Variants in PER2 observed in about 807,000 individuals in gnomAD.
The protein encoded by PER2 is period circadian protein homolog 2.
Under a neutral mutation model 121.0 loss-of-function variants are expected in PER2, and 66 were observed. The ratio of observed to expected loss-of-function variants is 0.55; its 90% CI spans 0.45 to 0.67. The LOEUF (loss-of-function observed/expected upper bound fraction) is 0.67. Ranked by LOEUF, PER2 falls within the 30% of genes least tolerant of loss-of-function variation. PER2 has a pLI of 0.00. For synonymous variants in PER2, 684 were observed against 659.9 expected, an observed-to-expected ratio of 1.04 and a Z score of -0.56; for missense variants, 1,521 against 1,635.0, an observed-to-expected ratio of 0.93 and a Z score of 1.20.
chr2:238,251,624 G>A lies in PER2; in HGVS notation c.3249C>T (p.Gly1083=), dbSNP rs761430831. ...ASESLGSGSL[G]CDASPSGAGS... The stretch of plus-strand genomic sequence containing the variant: ...CTGCCCCACTCGGGGAGGCGTCGCA[G>A]CCCAGTGAGCCGGAGCCCAGAGACT... The change falls in exon 20 of 23, where the codon GGC becomes GGT. Residue 1083 remains glycine (G), a synonymous_variant. Coordinates refer to ENST00000254657, the MANE Select transcript of PER2 (RefSeq NM_022817.3). 1 of 1,614,194 alleles carries A rather than the reference G, an allele frequency of 6.2e-7. No individual in the cohort carries two copies. Among genetic ancestry groups the A allele is most frequent in the Admixed American group, 1.7e-5 (1 of 60,026 alleles).
At chr2:238,281,365 C>T (rs1048663425) in intron 1 of PER2, among the ~76,000 whole-genome samples, 2 of 152,188 alleles carry the variant, frequency 1.3e-5, no homozygotes, top group Admixed American at 1.3e-4. Context: ...ATCTCAATTA[C>T]AGGATACTTG....
chr2:238,258,254 T>C (rs1695820293), intron 16 of PER2, 22 bp downstream of exon 16: 5 of 1,613,516 alleles, frequency 3.1e-6, no homozygotes, highest in African/African-American at 2.7e-5. Context: ...CACATGTACA[T>C]GGCTCTACAC....
chr2:238,289,190 G>A (rs1273325592), upstream of PER2: 1 of 152,210 alleles, frequency 6.6e-6, no homozygotes, highest in African/African-American at 2.4e-5. Flanking sequence ...CCGGACGAGG[G>A]AGACCTCCAC....
At chr2:238,270,786 T>A (rs916304387) in intron 6 of PER2, among the ~76,000 whole-genome samples, 2 of 152,210 alleles carry the variant, frequency 1.3e-5, no homozygotes, top group South Asian at 2.1e-4. Context: ...AAGGCTGCCA[T>A]CCACAGTGCA....
chr2:238,274,487 C>T (rs570175819), intron 4 of PER2, among the ~76,000 whole-genome samples: 75 of 152,242 alleles, frequency 4.9e-4, no homozygotes, highest in Non-Finnish European at 1.0e-3. Context: ...TCTGAGTATG[C>T]TCTGAAATCA....
chr2:238,255,862 C>T lies in PER2; in HGVS notation c.2115G>A (p.Ala705=), dbSNP rs749990808. The T allele has an allele frequency of 6.2e-6, 10 of 1,614,038 alleles. No individual in the cohort carries two copies. The Admixed American group carries it at 8.3e-5, about 13-fold the overall frequency. ...TGAGACCACAGGCCAGGGCAGGGCCCGCCAGGCAGTCCAGGGATTCTGGCC... is the reference window on the plus strand; with the variant it reads ...TGAGACCACAGGCCAGGGCAGGGCCTGCCAGGCAGTCCAGGGATTCTGGCC... The part of the protein sequence containing the change: ...ASGPESLDCL[A]GPALACGLSQ... The change falls in exon 18 of 23, where the codon GCG becomes GCA. Residue 705 remains alanine (A), a synonymous_variant. Coordinates refer to ENST00000254657, the MANE Select transcript of PER2 (RefSeq NM_022817.3).
the PER2 span, among the ~76,000 whole-genome samples, chr2:238,296,842 G>A: frequency 1.3e-5 from 2 of 152,238 alleles, no homozygotes; most frequent in African/African-American, 4.8e-5. Flanking sequence ...TGCAGCCACC[G>A]TGGAAGAGCT....
chr2:238,294,445 G>A (rs572315025), upstream of PER2, among the ~76,000 whole-genome samples: 24 of 152,284 alleles, frequency 1.6e-4, no homozygotes, highest in African/African-American at 5.1e-4. Flanking sequence ...GCAGGAGCCC[G>A]AGTTTGGGGC....
At chr2:238,278,584 C>T (rs953722764) in intron 1 of PER2, among the ~76,000 whole-genome samples, 1 of 152,180 alleles carries the variant, frequency 6.6e-6, no homozygotes, top group East Asian at 1.9e-4. Context: ...AACACATGGT[C>T]CCTCTGAATA....
intron 17 of PER2, among the ~76,000 whole-genome samples, chr2:238,256,273 G>A (rs1662520703): frequency 6.6e-6 from 1 of 152,174 alleles, no homozygotes; most frequent in African/African-American, 2.4e-5. Flanking sequence ...TTGGGACCAG[G>A]CATGGTGATA....
In PER2 at chr2:238,256,909, C is replaced by G. The variant is rs1695778692; in HGVS notation, c.2065+13G>C. ...ATCAAACTGCTCTCTGATCCAAGAG[C>G]CCATAGTCATACCTAACTCCGGCTG... On this transcript the variant is annotated intron_variant, in intron 17 of 22. Coordinates refer to ENST00000254657, the MANE Select transcript of PER2 (RefSeq NM_022817.3). 2.5e-6 allele frequency: 4 copies of G among 1,612,852 alleles called. No individual in the cohort carries two copies. The highest frequency in any genetic ancestry group is 2.5e-6 in the Non-Finnish European group (3 of 1,179,022).
In PER2 at chr2:238,272,994, C is replaced by G; in HGVS notation, c.570+76G>C. 2.1e-6 allele frequency: 3 copies of G among 1,421,834 alleles called. No homozygotes were observed. In the South Asian group the frequency reaches 3.4e-5, roughly 16 times the overall value. 88.1% of individuals were successfully genotyped at this position (1,421,834 alleles called of 1,614,324 possible). ...AACACTCCTGCCTTACAGCCACCGG[C>G]CGCAGTGCTGAGCTAGCTCGCCTGC... On this transcript the variant is annotated intron_variant, in intron 5 of 22. Coordinates refer to ENST00000254657, the MANE Select transcript of PER2 (RefSeq NM_022817.3).
At chr2:238,283,638 C>G (rs1478954977) in intron 1 of PER2, among the ~76,000 whole-genome samples, 1 of 152,232 alleles carries the variant, frequency 6.6e-6, no homozygotes, top group Non-Finnish European at 1.5e-5. Flanking sequence ...GCAGTCAGAA[C>G]TCCGATAGGG....
In PER2 at chr2:238,273,204, C is replaced by T; in HGVS notation, c.449-13G>A. The T allele has an allele frequency of 6.2e-7, 1 of 1,610,924 alleles. No individual in the cohort carries two copies. The highest frequency in any genetic ancestry group is 8.5e-7 in the Non-Finnish European group (1 of 1,178,992). ...TACTCTTCATTGGCTGCAGGAGAGA[C>T]AGTGTTCACTCAGTGGGCAGAACCC... On this transcript the variant is annotated splice_polypyrimidine_tract_variant and intron_variant, in intron 4 of 22. Coordinates refer to ENST00000254657, the MANE Select transcript of PER2 (RefSeq NM_022817.3).
upstream of PER2, among the ~76,000 whole-genome samples, chr2:238,290,876 C>G (rs188634296): frequency 2.8e-4 from 42 of 152,292 alleles, 1 homozygote; most frequent in East Asian, 6.2e-3. Context: ...ACAGAAGCCT[C>G]CATCCCAGCT....
At position 238,246,273 on chromosome 2, in the gene PER2, CAT is replaced by C. The variant is rs1695445088; in HGVS notation, c.*100_*101del. ...TCTAAAACAAAAAAAGCAACATGAG[CAT>C]ATGTGTCCATTTCAGTGGAAACAGC... On this transcript the variant is annotated 3_prime_UTR_variant, in exon 23 of 23. Transcript: ENST00000254657. The C allele has an allele frequency of 2.8e-5, 23 of 810,934 alleles. No homozygotes were observed. The South Asian group carries it at 4.9e-4, about 17-fold the overall frequency. The allele number at this position is 810,934 out of a possible 1,614,324, so 50.2% of individuals were successfully genotyped here. A position where few individuals can be genotyped will look rare whatever the true frequency, so the allele number is the denominator to read the frequency against.
In PER2 at chr2:238,246,475, T is replaced by C. The variant is rs1186309600; in HGVS notation, c.3668A>G (p.Tyr1223Cys). Residue 1223 changes from tyrosine to cysteine, a missense_variant, in exon 23 of 23, where the codon TAT (tyrosine) becomes TGT (cysteine). Transcript: ENST00000254657. ...NKEKGNICIP[Y>C]EEDIPSLGLS... ...TCCCAGAGAAGGAATATCTTCCTCA[T>C]ATGGTATGCAAATATTACCTTTTTC... 2 of 1,592,890 alleles carry C rather than the reference T, an allele frequency of 1.3e-6. No homozygotes were observed. Among genetic ancestry groups the C allele is most frequent in the African/African-American group, 1.3e-5 (1 of 74,688 alleles).
At chr2:238,256,473 C>T (rs535479329) in intron 17 of PER2, among the ~76,000 whole-genome samples, 1 of 152,334 alleles carries the variant, frequency 6.6e-6, no homozygotes, top group East Asian at 1.9e-4. Flanking sequence ...GAACACTCAG[C>T]CACCAATGCG....
rs73088943 is a variant in PER2 at position 238,275,963 on chromosome 2, G to A, written c.294-66C>T. ...TAGGTGTCCTTTCCTGAAGAAACGT[G>A]CCTCTTGCCCATTTTCTCAGCCTCG... On this transcript the variant is annotated intron_variant, in intron 3 of 22. Coordinates refer to ENST00000254657, the MANE Select transcript of PER2 (RefSeq NM_022817.3). 1.3e-3 allele frequency: 2,026 copies of A among 1,544,914 alleles called. 39 individuals are homozygous for A. The African/African-American group carries it at 0.026, about 20-fold the overall frequency.
Sources: gnomAD v4.1 joint callset for allele counts (sites outside exome capture counted in the v4.1 genomes callset) on GRCh38, gnomAD v4.1.1 for gene constraint, MANE v1.5 for transcripts, NCBI Gene and HGNC (gene_info 2026-07-23, HGNC 2026-07-21) for gene names.